The following SDK1 variants were observed in gnomAD, a reference collection of about 807,000 sequenced individuals.
SDK1 encodes the protein sidekick cell adhesion molecule 1.
A neutral mutation model predicts 245.5 loss-of-function variants in SDK1; 157 were observed. The ratio of observed to expected loss-of-function variants is 0.64; its 90% CI spans 0.56 to 0.73. The LOEUF (loss-of-function observed/expected upper bound fraction) is 0.73, where lower values mean the gene tolerates loss of function less well. SDK1 is among the 30% of genes least tolerant of loss of function. SDK1 has a pLI of 0.00. For missense variants in SDK1, 3,583 were observed against 3,002.3 expected (o/e 1.19, Z -4.52); for synonymous variants, 1,647 against 1,278.5 (o/e 1.29, Z -6.15).
chr7:3,388,655 C>T (rs1781669980), intron 1 of SDK1, among the ~76,000 whole-genome samples: 2 of 151,978 alleles, frequency 1.3e-5, no homozygotes, highest in Admixed American at 1.3e-4. Context: ...CTGTTTCGTG[C>T]ATTAGTGGAG....
intron 2 of SDK1, among the ~76,000 whole-genome samples, chr7:3,627,009 C>T (rs1782143055): frequency 6.6e-6 from 1 of 151,982 alleles, no homozygotes; most frequent in Admixed American, 6.6e-5. Flanking sequence ...TTCATTGCAG[C>T]CTCGACCTCC....
chr7:3,313,556 A>G lies in SDK1; in HGVS notation c.298+11672A>G, dbSNP rs115931459. On this transcript the variant is annotated intron_variant, in intron 1 of 44. Transcript: ENST00000404826. ...CTAAATGATAGGAAGCATTGTTGCA[A>G]TGTGCCCCTTAAATTTATATGTAAT... 1.1e-3 allele frequency among the ~76,000 whole-genome samples: 164 copies of G among 152,322 alleles called. 2 individuals are homozygous for G. The highest frequency in any genetic ancestry group is 3.8e-3 in the African/African-American group (156 of 41,574).
intron 6 of SDK1, 113 bp from the exon 7 acceptor site, chr7:3,951,617 C>T (rs12701300): frequency 0.015 from 12,968 of 869,108 alleles, 146 homozygotes; most frequent in Non-Finnish European, 0.018. Context: ...TTCAACCCAC[C>T]ATGCACCCTG....
intron 32 of SDK1, 91 bp from the exon 33 acceptor site, chr7:4,174,131 G>A (rs1562387948): frequency 4.3e-6 from 6 of 1,402,174 alleles, no homozygotes; most frequent in South Asian, 3.7e-5. Flanking sequence ...CTGTGCAGCT[G>A]GCTAGTTAAA....
intron 5 of SDK1, among the ~76,000 whole-genome samples, chr7:3,904,521 C>A (rs1003205414): frequency 6.6e-6 from 1 of 151,960 alleles, no homozygotes; most frequent in Admixed American, 6.6e-5. Flanking sequence ...GGGCAAGACC[C>A]TGTCTCTACA....
At chr7:3,504,182 A>ATGTGTGTG (rs56306302) in intron 1 of SDK1, among the ~76,000 whole-genome samples, 3,626 of 131,898 alleles carry the variant, frequency 0.027, 74 homozygotes, top group African/African-American at 0.037. Flanking sequence ...ATATATATAT[A>ATGTGTGTG]TGTGTGTGTG....
rs76840187 is a variant in SDK1, at chr7:3,476,611, A to T, written c.299-142469A>T. On this transcript the variant is annotated intron_variant, in intron 1 of 44. Transcript: ENST00000404826. ...TTTCTACCTATGCCATTGTTTTTTGATTCTGTTAATGGTGGATTTATTTTA... is the reference window on the plus strand; with the variant it reads ...TTTCTACCTATGCCATTGTTTTTTGTTTCTGTTAATGGTGGATTTATTTTA... 5.4e-3 allele frequency among the ~76,000 whole-genome samples: 824 copies of T among 152,124 alleles called. 7 individuals carry two copies. Among genetic ancestry groups the T allele is most frequent in the African/African-American group, 0.019 (785 of 41,490 alleles).
chr7:4,048,831 A>G (rs1410351623), intron 17 of SDK1, among the ~76,000 whole-genome samples: 1 of 152,246 alleles, frequency 6.6e-6, no homozygotes, highest in African/African-American at 2.4e-5. Flanking sequence ...TGGAAAATCC[A>G]AAAATGATTG....
At chr7:3,358,086 A>G (rs1337875296) in intron 1 of SDK1, among the ~76,000 whole-genome samples, 1 of 151,962 alleles carries the variant, frequency 6.6e-6, no homozygotes, top group Admixed American at 6.6e-5. Flanking sequence ...CAGTGACAGG[A>G]TCTCGGCTCA....
intron 1 of SDK1, among the ~76,000 whole-genome samples, chr7:3,578,291 AG>A (rs1296835981): frequency 6.6e-6 from 1 of 151,906 alleles, no homozygotes; most frequent in Non-Finnish European, 1.5e-5. Context: ...GATTAAGGGG[AG>A]GGGGTGCAAG....
chr7:3,847,311 C>T (rs936034087), intron 5 of SDK1, among the ~76,000 whole-genome samples: 5 of 152,214 alleles, frequency 3.3e-5, no homozygotes, highest in Non-Finnish European at 5.9e-5. Context: ...GACTTGGTCG[C>T]CATAAACCTA....
At chr7:4,133,152 C>T (rs1292171896) in intron 28 of SDK1, among the ~76,000 whole-genome samples, 5 of 152,162 alleles carry the variant, frequency 3.3e-5, no homozygotes, top group Admixed American at 2.0e-4. Flanking sequence ...TGTAAGAAGC[C>T]GCTGAGATGA....
At chr7:3,776,695 A>G (rs1392292161) in intron 4 of SDK1, among the ~76,000 whole-genome samples, 1 of 152,126 alleles carries the variant, frequency 6.6e-6, no homozygotes, top group Non-Finnish European at 1.5e-5. Context: ...AAAGAAAAGA[A>G]GATATTTTGC....
chr7:3,855,416 C>A (rs1780521005), intron 5 of SDK1, among the ~76,000 whole-genome samples: 1 of 152,026 alleles, frequency 6.6e-6, no homozygotes, highest in South Asian at 2.1e-4. Flanking sequence ...CATATTGCAT[C>A]CATTAGAAAT....
At chr7:3,800,071 G>A (rs1241890299) in intron 4 of SDK1, among the ~76,000 whole-genome samples, 1 of 152,086 alleles carries the variant, frequency 6.6e-6, no homozygotes, top group Non-Finnish European at 1.5e-5. Flanking sequence ...TGGTGAGATT[G>A]TAGCAGGGTT....
At chr7:3,361,378 A>G (rs943390691) in intron 1 of SDK1, among the ~76,000 whole-genome samples, 6 of 152,308 alleles carry the variant, frequency 3.9e-5, no homozygotes, top group Non-Finnish European at 7.3e-5. Flanking sequence ...CTTCTATTCC[A>G]CTTTCTTGTC....
intron 1 of SDK1, among the ~76,000 whole-genome samples, chr7:3,420,407 C>T (rs1454902652): frequency 1.3e-5 from 2 of 152,142 alleles, no homozygotes; most frequent in African/African-American, 2.4e-5. Context: ...CCTTTCTCAC[C>T]AATTTTTCTT....
chr7:3,521,234 C>G (rs1432796879), intron 1 of SDK1, among the ~76,000 whole-genome samples: 1 of 152,150 alleles, frequency 6.6e-6, no homozygotes. Context: ...TCTTTTACTT[C>G]CCTTCTGCTA....
chr7:3,975,556 TA>T (rs2128134625), intron 13 of SDK1, among the ~76,000 whole-genome samples: 1 of 152,316 alleles, frequency 6.6e-6, no homozygotes, highest in South Asian at 2.1e-4. Flanking sequence ...CTGAGGGGAT[TA>T]AAAATGAAAA....
Sources: allele counts gnomAD v4.1 joint callset (sites outside exome capture counted in the v4.1 genomes callset), GRCh38; gene constraint gnomAD v4.1.1; transcripts MANE v1.5; gene names NCBI Gene and HGNC (gene_info 2026-07-23, HGNC 2026-07-21).